TECPR1: variants seen among roughly 807,000 people sequenced by gnomAD.
TECPR1 encodes tectonin beta-propeller repeat containing 1.
In TECPR1, 122 loss-of-function variants were observed where a neutral mutation model predicts 162.4. The observed-to-expected ratio is 0.75, with a 90% confidence interval of 0.65 to 0.87. The LOEUF is 0.87. Among genes scored for constraint, TECPR1 ranks in the 40% least tolerant of loss-of-function variants. TECPR1 has a pLI of 0.00. For missense variants in TECPR1, 1,432 were observed against 1,618.2 expected (o/e 0.88, Z 1.97); for synonymous variants, 642 against 670.6 (o/e 0.96, Z 0.66).
Position 98,239,542 on chromosome 7 carries a change from G to A in TECPR1, c.934-932C>T, listed in dbSNP as rs12112169. Among the ~76,000 whole-genome samples the A allele has an allele frequency of 6.2e-3, 938 of 152,220 alleles. 5 individuals carry two copies. The highest frequency in any genetic ancestry group is 0.021 in the African/African-American group (888 of 41,540). ...GGCATTCCAGCCTGGGTGACGGAAC[G>A]AGACTCTGTCTCAAATTAAAAAATA... On this transcript the variant is annotated intron_variant, in intron 8 of 25. Coordinates refer to ENST00000447648, the MANE Select transcript of TECPR1 (RefSeq NM_015395.3).
chr7:98,250,968 ACTTT>A (rs1278308884), intron 2 of TECPR1: 1 of 152,056 alleles, frequency 6.6e-6, no homozygotes, highest in Non-Finnish European at 1.5e-5. Flanking sequence ...GGTCAGCCAC[ACTTT>A]CTTTCTGCCT....
Position 98,222,404 on chromosome 7 carries a change from A to G in TECPR1, c.3046T>C (p.Tyr1016His), listed in dbSNP as rs1278832570. 6 of 1,600,656 alleles carry G rather than the reference A, an allele frequency of 3.7e-6. No individual in the cohort carries two copies. Among genetic ancestry groups the G allele is most frequent in the Non-Finnish European group, 5.1e-6 (6 of 1,174,724 alleles). The change falls in exon 22 of 26, where the codon TAC (tyrosine) becomes CAC (histidine). Residue 1016 changes from tyrosine (Y) to histidine (H), a missense_variant. Physicochemically the swap from Tyr to His is moderately conservative, Grantham distance 83. Transcript: ENST00000447648. ...DGSAFYRGSV[Y>H]PSQPAGDCWY... ...CACTCACCGGCTGGCTGCGAGGGGTACACGGATCCCCGGTAGAAGGCGGAG... is the reference window on the plus strand; with the variant it reads ...CACTCACCGGCTGGCTGCGAGGGGTGCACGGATCCCCGGTAGAAGGCGGAG...
chr7:98,232,916 C>T lies in TECPR1; in HGVS notation c.1729G>A (p.Ala577Thr), dbSNP rs368852607. 1.9e-6 allele frequency: 3 copies of T among 1,612,740 alleles called. No individual in the cohort carries two copies. Among genetic ancestry groups the T allele is most frequent in the African/African-American group, 2.7e-5 (2 of 74,938 alleles). Residue 577 changes from alanine (A) to threonine (T), a missense_variant, in exon 12 of 26, where the codon GCC becomes ACC. Transcript: ENST00000447648. The surrounding 1 kb of genome is among the most constrained non-coding windows in gnomAD (Gnocchi z 4.6). The stretch of plus-strand genomic sequence containing the variant: ...TGCTGGAAGATCTGCTTCCTCCAGG[C>T]AGCGGTCTGGGCCGGCGTGATGGAC... ...SLSITPAQTA[A>T]WRKQIFQQLT...
At chr7:98,233,129 C>A in intron 11 of TECPR1, 157 bp from the exon 12 acceptor site, 1 of 887,476 alleles carries the variant, frequency 1.1e-6, no homozygotes, top group Non-Finnish European at 1.6e-6. Context: ...GGATGAGTTG[C>A]TCTCCCCCAG....
In TECPR1 at chr7:98,241,248, G is replaced by A. The variant is rs1798741507; in HGVS notation, c.658-4C>T. On this transcript the variant is annotated splice_polypyrimidine_tract_variant and splice_region_variant and intron_variant, in intron 6 of 25. Transcript: ENST00000447648. This position sits in a 1 kb window ranked among gnomAD's most constrained non-coding sequence, Gnocchi z 5.0. ...TGACGTCCTCTCTGTACCACACCTG[G>A]GAGGCAAGACAGGGACACAGCACCT... is the stretch of plus-strand genomic sequence containing the variant. The A allele has an allele frequency of 6.2e-7, 1 of 1,612,290 alleles. No homozygotes were observed. Among genetic ancestry groups the A allele is most frequent in the South Asian group, 1.1e-5 (1 of 91,022 alleles).
intron 1 of TECPR1, 169 bp from the exon 2 acceptor site, chr7:98,251,717 TA>T (rs1183479045): frequency 2.0e-5 from 3 of 152,332 alleles, no homozygotes; most frequent in Non-Finnish European, 4.4e-5. Flanking sequence ...ACCAGTAGCA[TA>T]TGTCGGAGCT....
At chr7:98,248,061 G>A (rs139401443) in intron 2 of TECPR1, among the ~76,000 whole-genome samples, 116 of 152,296 alleles carry the variant, frequency 7.6e-4, no homozygotes, top group African/African-American at 2.7e-3. Flanking sequence ...TGTAGGCATA[G>A]CCAAGGCTAT....
intron 8 of TECPR1, among the ~76,000 whole-genome samples, chr7:98,239,125 CT>C (rs1798680345): frequency 6.6e-6 from 1 of 152,218 alleles, no homozygotes; most frequent in South Asian, 2.1e-4. Flanking sequence ...GTCTGTGGCT[CT>C]GTGATTCAGC....
intron 2 of TECPR1, among the ~76,000 whole-genome samples, chr7:98,250,556 T>C (rs1479849463): frequency 6.6e-6 from 1 of 152,158 alleles, no homozygotes; most frequent in African/African-American, 2.4e-5. Context: ...GAGGATCACT[T>C]GAGCCCAGGA....
In TECPR1 at chr7:98,233,665, G is replaced by A. The variant is rs376519132; in HGVS notation, c.1428C>T (p.Pro476=). The A allele has an allele frequency of 1.0e-5, 16 of 1,599,184 alleles. No individual in the cohort carries two copies. The highest frequency in any genetic ancestry group is 6.7e-5 in the African/African-American group (5 of 74,580). Residue 476 remains proline (P), a synonymous_variant, in exon 11 of 26, where the codon CCC becomes CCT. Transcript: ENST00000447648. ...GCTCGGCCGGGGTGGGGGCCGGGCC[G>A]GGGTGCGTGTTGGGTCTGGCCTCCC... ...GSREARPNTH[P]GPAPTPAELP...
At position 98,217,381 on chromosome 7, in the gene TECPR1, G is replaced by T. The variant is rs562148558; in HGVS notation, c.*9C>A. ...GCACCGTCCCTGCATGTAGGTGTGT[G>T]GGGGGGCCTCAGCAGCAGACGGGGC... On this transcript the variant is annotated 3_prime_UTR_variant, in exon 26 of 26. Coordinates refer to ENST00000447648, the MANE Select transcript of TECPR1 (RefSeq NM_015395.3). The T allele has an allele frequency of 4.0e-6, 6 of 1,517,076 alleles. No individual in the cohort carries two copies. Among genetic ancestry groups the T allele is most frequent in the South Asian group, 1.2e-5 (1 of 84,846 alleles). 94.0% of individuals were successfully genotyped at this position (1,517,076 alleles called of 1,614,324 possible).
rs754547055 is a variant in TECPR1 at position 98,218,003 on chromosome 7, G to A, written c.3197C>T (p.Pro1066Leu). ...CACGTGCTCCCAGCTGGAGCCCTGC[G>A]GGTAGCTGGGCGTGATCCCTTGGCG... is the stretch of plus-strand genomic sequence containing the variant. The part of the protein sequence containing the change: ...WYRQGITPSY[P>L]QGSSWEHVSN... The change falls in exon 24 of 26, where the codon CCG becomes CTG. Residue 1066 changes from proline (P) to leucine (L), a missense_variant. Transcript: ENST00000447648. The A allele has an allele frequency of 5.1e-6, 8 of 1,567,840 alleles. No individual in the cohort carries two copies. Among genetic ancestry groups the A allele is most frequent in the Middle Eastern group, 3.3e-4 (2 of 5,988 alleles).
chr7:98,250,822 C>T (rs1238503634), intron 2 of TECPR1: 2 of 151,350 alleles, frequency 1.3e-5, no homozygotes, highest in Non-Finnish European at 2.9e-5. Context: ...ATCTTCTGGG[C>T]AGTTAATGGG....
intron 15 of TECPR1, 31 bp from the exon 16 acceptor site, chr7:98,229,197 C>T (rs1352357312): frequency 6.5e-7 from 1 of 1,542,026 alleles, no homozygotes. Context: ...AGGTGGAAAC[C>T]CCTCAGACCC....
intron 21 of TECPR1, 116 bp downstream of exon 21, chr7:98,222,874 G>T: frequency 7.2e-7 from 1 of 1,380,332 alleles, no homozygotes; most frequent in Non-Finnish European, 1.0e-6. Flanking sequence ...GACCCACTCG[G>T]ACCACAGGCA....
In TECPR1 at chr7:98,232,876, G is replaced by A; in HGVS notation, c.1769C>T (p.Thr590Ile). ...TCTGAAGTTCTCCAGCTCCCGCTTG[G>A]TCCTTTCCGTGAGCTGCTGGAAGAT... ...KQIFQQLTERTKRELENFRHY... is the reference protein window; with the variant it reads ...KQIFQQLTERIKRELENFRHY... Residue 590 changes from threonine (T) to isoleucine (I), a missense_variant, in exon 12 of 26, where the codon ACC (threonine) becomes ATC (isoleucine). Physicochemically the swap from Thr to Ile is moderately conservative, Grantham distance 89. Coordinates refer to ENST00000447648, the MANE Select transcript of TECPR1 (RefSeq NM_015395.3). This position sits in a 1 kb window ranked among gnomAD's most constrained non-coding sequence, Gnocchi z 4.6. 1 of 1,612,840 alleles carries A rather than the reference G, an allele frequency of 6.2e-7. No individual in the cohort carries two copies. The highest frequency in any genetic ancestry group is 8.5e-7 in the Non-Finnish European group (1 of 1,179,802).
intron 6 of TECPR1, among the ~76,000 whole-genome samples, chr7:98,242,870 A>T (rs1798794358): frequency 1.3e-5 from 1 of 79,924 alleles, no homozygotes; most frequent in African/African-American, 4.2e-5. Context: ...ACATATACCC[A>T]CCTATCCATC....
In TECPR1 at chr7:98,232,457, C is replaced by T. The variant is rs1584338620; in HGVS notation, c.1818+370G>A. On this transcript the variant is annotated intron_variant, in intron 12 of 25. Coordinates refer to ENST00000447648, the MANE Select transcript of TECPR1 (RefSeq NM_015395.3). The surrounding 1 kb of genome is among the most constrained non-coding windows in gnomAD (Gnocchi z 4.6). The stretch of plus-strand genomic sequence containing the variant: ...TCAGCCCAGGGGTGGGGTCTCCGGC[C>T]GCCCTCTGTGCTAACTCCTTGCAAT... Among the ~76,000 whole-genome samples the T allele has an allele frequency of 2.6e-5, 4 of 152,034 alleles. 1 individual carries two copies. The highest frequency in any genetic ancestry group is 4.4e-5 in the Non-Finnish European group (3 of 67,970).
At chr7:98,247,487 G>GA (rs1371476635) in intron 2 of TECPR1, among the ~76,000 whole-genome samples, 1 of 152,048 alleles carries the variant, frequency 6.6e-6, no homozygotes. Flanking sequence ...AGGTTTAGTT[G>GA]AATCTCGAAA....
Sources: allele counts gnomAD v4.1 joint callset (sites outside exome capture counted in the v4.1 genomes callset), GRCh38; gene constraint gnomAD v4.1.1; non-coding constraint Gnocchi (gnomAD v3.1); transcripts MANE v1.5; gene names NCBI Gene and HGNC (gene_info 2026-07-23, HGNC 2026-07-21).